Variants in CDK19 observed in about 807,000 individuals in gnomAD.
CDK19 encodes the protein cyclin-dependent kinase 19.
A neutral mutation model predicts 68.3 loss-of-function variants in CDK19; 20 were observed. That is an observed-to-expected ratio of 0.29 (90% CI 0.21 to 0.43). The LOEUF (loss-of-function observed/expected upper bound fraction) is 0.43, where lower values mean the gene tolerates loss of function less well. CDK19 is among the 20% of genes least tolerant of loss of function. The pLI is 1.00. For missense variants in CDK19, 339 were observed against 623.5 expected, an observed-to-expected ratio of 0.54 and a Z score of 4.86; for synonymous variants, 221 against 222.8, an observed-to-expected ratio of 0.99 and a Z score of 0.07.
intron 1 of CDK19, among the ~76,000 whole-genome samples, chr6:110,805,263 C>T (rs976573828): frequency 1.3e-5 from 2 of 152,062 alleles, no homozygotes; most frequent in Admixed American, 1.3e-4. Flanking sequence ...AATTGTCATG[C>T]TAGTTGTTCA....
In CDK19 at chr6:110,724,881, C is replaced by T. The variant is rs146670001; in HGVS notation, c.204+21245G>A. Among the ~76,000 whole-genome samples the T allele has an allele frequency of 2.0e-5, 3 of 151,776 alleles. No homozygotes were observed. The East Asian group carries it at 5.8e-4, about 29-fold the overall frequency. On this transcript the variant is annotated intron_variant, in intron 2 of 12. Coordinates refer to ENST00000368911, the MANE Select transcript of CDK19 (RefSeq NM_015076.5). ...ACACCTAGGTGGAAAATGAAATATA[C>T]AAAATTACTCAGAATTCTAAATTAT...
intron 4 of CDK19, among the ~76,000 whole-genome samples, chr6:110,641,046 TTGAAAG>T (rs1780115347): frequency 1.3e-5 from 2 of 152,044 alleles, no homozygotes. Context: ...AGATTTGGAT[TTGAAAG>T]TTATTATCAC....
intron 4 of CDK19, among the ~76,000 whole-genome samples, chr6:110,647,701 A>C (rs973361876): frequency 7.9e-5 from 12 of 152,206 alleles, no homozygotes; most frequent in African/African-American, 2.7e-4. Context: ...CTTAGAGGGG[A>C]GTTCTCAAAA....
chr6:110,646,287 T>C, intron 4 of CDK19: 1 of 1,507,776 alleles, frequency 6.6e-7, no homozygotes. Flanking sequence ...CGCCAACATG[T>C]GCAAGCACAA....
intron 2 of CDK19, among the ~76,000 whole-genome samples, chr6:110,718,800 T>C (rs1055226707): frequency 6.6e-6 from 1 of 152,096 alleles, no homozygotes; most frequent in Admixed American, 6.6e-5. Context: ...ATAAGGAGTA[T>C]ATGCAAAAAA....
At chr6:110,777,072 C>G (rs1780451685) in intron 1 of CDK19, among the ~76,000 whole-genome samples, 1 of 152,208 alleles carries the variant, frequency 6.6e-6, no homozygotes, top group South Asian at 2.1e-4. Flanking sequence ...TAAAATCATA[C>G]AAACCGGCAT....
At position 110,815,410 on chromosome 6, in the gene CDK19, C is replaced by A; in HGVS notation, c.-274G>T. The stretch of plus-strand genomic sequence containing the variant: ...CAGTCCCGCCTCCCTCCTTCATTTC[C>A]TTGTTTTGGAACCTGGTGGGCCGCG... On this transcript the variant is annotated 5_prime_UTR_variant, in exon 1 of 13. In the 5' UTR this introduces an upstream ATG that the reference lacks. Coordinates refer to ENST00000368911, the MANE Select transcript of CDK19 (RefSeq NM_015076.5). 3.2e-6 allele frequency: 1 copy of A among 308,432 alleles called. No homozygotes were observed. Among genetic ancestry groups the A allele is most frequent in the East Asian group, 5.8e-5 (1 of 17,154 alleles). The allele number at this position is 308,432 out of a possible 1,614,324, so 19.1% of individuals were successfully genotyped here.
At chr6:110,746,353 C>T (rs1365095503) in intron 1 of CDK19, 152 bp from the exon 2 acceptor site, 7 of 479,874 alleles carry the variant, frequency 1.5e-5, no homozygotes, top group Non-Finnish European at 1.1e-5. Flanking sequence ...GATAATATTT[C>T]AACTACAGAA....
chr6:110,626,871 T>C (rs555644108), intron 7 of CDK19, 26 bp from the exon 8 acceptor site: 10 of 1,429,714 alleles, frequency 7.0e-6, no homozygotes, highest in Admixed American at 2.0e-5. Flanking sequence ...AATATTGTTA[T>C]AGAAAATAAT....
intron 4 of CDK19, among the ~76,000 whole-genome samples, chr6:110,657,788 G>A (rs1034118367): frequency 2.0e-5 from 3 of 152,150 alleles, no homozygotes; most frequent in African/African-American, 4.8e-5. Flanking sequence ...AATGAGCCCT[G>A]ACCCTGAGTT....
At chr6:110,785,065 C>T (rs1355556321) in intron 1 of CDK19, among the ~76,000 whole-genome samples, 1 of 124,608 alleles carries the variant, frequency 8.0e-6, no homozygotes, top group Non-Finnish European at 1.6e-5. Context: ...CTAAAAACCA[C>T]TGAATTGTCA....
chr6:110,706,563 T>C (rs996477108), intron 2 of CDK19, among the ~76,000 whole-genome samples: 16 of 151,272 alleles, frequency 1.1e-4, no homozygotes, highest in African/African-American at 3.9e-4. Context: ...TACAGGCGCC[T>C]GCCACCACGC....
chr6:110,724,673 G>T (rs1324842204), intron 2 of CDK19, among the ~76,000 whole-genome samples: 2 of 152,070 alleles, frequency 1.3e-5, no homozygotes, highest in African/African-American at 2.4e-5. Flanking sequence ...AAGTTGAAAA[G>T]CTTTTTGAAA....
intron 8 of CDK19, among the ~76,000 whole-genome samples, chr6:110,625,249 A>G (rs1219675244): frequency 2.6e-5 from 4 of 152,120 alleles, no homozygotes; most frequent in Non-Finnish European, 4.4e-5. Context: ...CATTTTTAAC[A>G]AGGTCTCCAG....
chr6:110,728,301 A>AG (rs201642546), intron 2 of CDK19, among the ~76,000 whole-genome samples: 4,597 of 150,766 alleles, frequency 0.03, 83 homozygotes, highest in Middle Eastern at 0.075. Flanking sequence ...AAAAAAAAAA[A>AG]AAGAGAGAGA....
chr6:110,721,129 A>G (rs6907660), intron 2 of CDK19, among the ~76,000 whole-genome samples: 99,793 of 151,548 alleles, frequency 0.66, 34,307 homozygotes, highest in Admixed American at 0.81. Flanking sequence ...AGTCCCAGCT[A>G]CTCAGGAGGC....
chr6:110,684,404 T>A (rs1470281405), intron 2 of CDK19, among the ~76,000 whole-genome samples: 1 of 128,136 alleles, frequency 7.8e-6, no homozygotes, highest in Non-Finnish European at 1.6e-5. Flanking sequence ...TCCTTCTTAT[T>A]TATCCTTTTC....
At chr6:110,814,732 C>T (rs1318673053) in intron 1 of CDK19, 5 of 621,770 alleles carry the variant, frequency 8.0e-6, no homozygotes, top group Non-Finnish European at 1.5e-5. Flanking sequence ...AACTCGAGTC[C>T]CCCCGCCGTC....
intron 1 of CDK19, among the ~76,000 whole-genome samples, chr6:110,750,907 C>T (rs1778431878): frequency 6.6e-6 from 1 of 152,120 alleles, no homozygotes; most frequent in African/African-American, 2.4e-5. Flanking sequence ...GCAATCTTGG[C>T]TTCACTGCAA....
Sources: gnomAD v4.1 joint callset for allele counts (sites outside exome capture counted in the v4.1 genomes callset) on GRCh38, gnomAD v4.1.1 for gene constraint, MANE v1.5 for transcripts, NCBI Gene and HGNC (gene_info 2026-07-23, HGNC 2026-07-21) for gene names.